Variants in TM7SF3 observed in about 807,000 individuals in gnomAD.
The protein encoded by TM7SF3 is transmembrane 7 superfamily member 3.
In TM7SF3, 60 loss-of-function variants were observed where a neutral mutation model predicts 65.5. That is an observed-to-expected ratio of 0.92 (90% CI 0.74 to 1.14). The LOEUF (loss-of-function observed/expected upper bound fraction) is 1.14. Among genes scored for constraint, TM7SF3 ranks in the 50% most tolerant of loss-of-function variants. TM7SF3 has a pLI of 0.00. For missense variants in TM7SF3, 623 were observed against 684.8 expected (o/e 0.91, Z 1.01); for synonymous variants, 264 against 259.6 (o/e 1.02, Z -0.16).
Position 27,014,141 on chromosome 12 carries a change from C to T in TM7SF3, c.28G>A (p.Ala10Thr). 1 of 1,566,898 alleles carries T rather than the reference C, an allele frequency of 6.4e-7. No homozygotes were observed. The highest frequency in any genetic ancestry group is 8.7e-7 in the Non-Finnish European group (1 of 1,155,708). MGFLQLLVVAVLASEHRVAG... is the reference protein window; with the variant it reads MGFLQLLVVTVLASEHRVAG... ...ACCCGGTGTTCGGATGCCAGCACCG[C>T]TACGACCAGCAGCTGCAGGAACCCC... Residue 10 changes from alanine to threonine, a missense_variant, in exon 1 of 12, where the codon GCG (alanine) becomes ACG (threonine). By Grantham distance (58) the Ala-to-Thr change is moderately conservative (BLOSUM62 0). Coordinates refer to ENST00000343028, the MANE Select transcript of TM7SF3 (RefSeq NM_016551.3).
chr12:26,978,179 A>C (rs1939655367), intron 9 of TM7SF3: 2 of 332,338 alleles, frequency 6.0e-6, no homozygotes, highest in Non-Finnish European at 1.2e-5. Flanking sequence ...GATAGTTCAT[A>C]AACAAACATA....
At chr12:26,982,956 T>A (rs1474882755) in intron 6 of TM7SF3, 97 bp from the exon 7 acceptor site, 1 of 816,636 alleles carries the variant, frequency 1.2e-6, no homozygotes, top group Non-Finnish European at 1.9e-6. Context: ...CTAAGTGAAC[T>A]GACATAATTT....
At chr12:26,985,621 CAAAAAAAAAAAAAAAAA>C (rs544145636) in intron 6 of TM7SF3, among the ~76,000 whole-genome samples, 134 of 61,028 alleles carry the variant, frequency 2.2e-3, no homozygotes, top group African/African-American at 6.0e-3. Flanking sequence ...GTGAGACTGT[CAAAAAAAAAAAAAAAAA>C]AAAAAAAAAA....
At chr12:26,989,054 C>G (rs189369081) in intron 6 of TM7SF3, among the ~76,000 whole-genome samples, 4 of 152,160 alleles carry the variant, frequency 2.6e-5, no homozygotes, top group Admixed American at 6.5e-5. Flanking sequence ...ATATAACATA[C>G]AAAATATGTG....
intron 6 of TM7SF3, chr12:26,983,584 A>G (rs1369187654): frequency 4.4e-6 from 2 of 455,482 alleles, no homozygotes; most frequent in East Asian, 1.4e-4. Context: ...GCAGAGAAGC[A>G]GGTACAGCAC....
rs1421868801 is a variant in TM7SF3 at position 26,971,689 on chromosome 12, TC to T, written c.*2275del. On this transcript the variant is annotated 3_prime_UTR_variant, in exon 12 of 12. Coordinates refer to ENST00000343028, the MANE Select transcript of TM7SF3 (RefSeq NM_016551.3). ...CCTCCCTCCAAAATAGTGTGTTCTGTCTTTACAGTCTTCACTGGCAGTGCAT... is the reference window on the plus strand; with the variant it reads ...CCTCCCTCCAAAATAGTGTGTTCTGTTTTACAGTCTTCACTGGCAGTGCAT... The T allele has an allele frequency of 3.3e-5, 5 of 152,214 alleles. No individual in the cohort carries two copies. The highest frequency in any genetic ancestry group is 1.2e-4 in the African/African-American group (5 of 41,442). The allele number at this position is 152,214 out of a possible 1,614,324, so 9.4% of individuals were successfully genotyped here. A position where few individuals can be genotyped will look rare whatever the true frequency, so the allele number is the denominator to read the frequency against.
chr12:27,004,558 G>A (rs575362877), intron 1 of TM7SF3, among the ~76,000 whole-genome samples: 3 of 151,722 alleles, frequency 2.0e-5, no homozygotes, highest in African/African-American at 7.3e-5. Context: ...GTCCCAAAAA[G>A]GTCAATTTTC....
chr12:27,012,163 G>A (rs572848006), intron 1 of TM7SF3, among the ~76,000 whole-genome samples: 63 of 152,308 alleles, frequency 4.1e-4, no homozygotes, highest in African/African-American at 1.4e-3. Context: ...TACGGAAGTG[G>A]AAGGACTATG....
At position 26,979,890 on chromosome 12, in the gene TM7SF3, G is replaced by A; in HGVS notation, c.1083C>T (p.Phe361=). 1.2e-6 allele frequency: 2 copies of A among 1,614,170 alleles called. No individual in the cohort carries two copies. Among genetic ancestry groups the A allele is most frequent in the Non-Finnish European group, 1.7e-6 (2 of 1,180,028 alleles). ...TAVTGSVGGM[F]LVAVWWRFGI... ...CAAATCGCCACCACACAGCTACCAA[G>A]AACATTCCACCGACGCTTCCAGTGA... Residue 361 remains phenylalanine, a synonymous_variant, in exon 9 of 12, where the codon TTC becomes TTT. Transcript: ENST00000343028.
In TM7SF3 at chr12:26,982,979, T is replaced by C. The variant is rs188536801; in HGVS notation, c.869-120A>G. ...ACTGACATAATTTATCCCATACATG[T>C]ATATTACAAATTTATCTTTAAAATA... On this transcript the variant is annotated intron_variant, in intron 6 of 11. Transcript: ENST00000343028. The C allele has an allele frequency of 6.0e-6, 4 of 666,442 alleles. No individual in the cohort carries two copies. In the East Asian group the frequency reaches 1.2e-4, roughly 19 times the overall value. 41.3% of individuals were successfully genotyped at this position (666,442 alleles called of 1,614,324 possible).
chr12:26,984,841 T>C (rs930692916), intron 6 of TM7SF3, among the ~76,000 whole-genome samples: 1 of 151,546 alleles, frequency 6.6e-6, no homozygotes, highest in Non-Finnish European at 1.5e-5. Context: ...ATGAAAGGAG[T>C]GAATAGACTA....
intron 5 of TM7SF3, 50 bp from the exon 6 acceptor site, chr12:26,990,677 T>C (rs1310041981): frequency 7.0e-7 from 1 of 1,432,072 alleles, no homozygotes; most frequent in African/African-American, 1.4e-5. Context: ...TTTTTTAAGC[T>C]ATTCTGTGAT....
Position 26,995,229 on chromosome 12 carries a change from A to G in TM7SF3, c.690+8T>C, listed in dbSNP as rs1310674639. 3.7e-6 allele frequency: 6 copies of G among 1,608,870 alleles called. No homozygotes were observed. The highest frequency in any genetic ancestry group is 5.1e-6 in the Non-Finnish European group (6 of 1,176,762). ...TCCAGCCACACAAATCATGGGACTC[A>G]GATTTACCTTGAGAGCACTGGCCTT... On this transcript the variant is annotated splice_region_variant and intron_variant, in intron 5 of 11. Transcript: ENST00000343028.
At chr12:27,007,754 C>T (rs534118103) in intron 1 of TM7SF3, among the ~76,000 whole-genome samples, 131 of 152,286 alleles carry the variant, frequency 8.6e-4, no homozygotes, top group Non-Finnish European at 1.6e-3. Context: ...ATCTTCTTTC[C>T]TCCCCAGAGG....
At chr12:26,979,414 G>C (rs1939711084) in intron 9 of TM7SF3, 1 of 200,214 alleles carries the variant, frequency 5.0e-6, no homozygotes, top group Admixed American at 5.4e-5. Context: ...CAGCGGATGG[G>C]AGTGGAGGTT....
chr12:26,998,831 C>T (rs1365848403), intron 3 of TM7SF3, among the ~76,000 whole-genome samples: 3 of 152,260 alleles, frequency 2.0e-5, no homozygotes, highest in South Asian at 2.1e-4. Flanking sequence ...GAACCTACCT[C>T]GAAATAAAGT....
chr12:26,985,803 T>A (rs1479222613), intron 6 of TM7SF3, among the ~76,000 whole-genome samples: 1 of 127,780 alleles, frequency 7.8e-6, no homozygotes, highest in Non-Finnish European at 1.6e-5. Context: ...AAATTTCTTT[T>A]TCGTTTTTTT....
chr12:26,996,850 C>G lies in TM7SF3; in HGVS notation c.410G>C (p.Gly137Ala). 3.1e-6 allele frequency: 5 copies of G among 1,611,222 alleles called. No homozygotes were observed. The highest frequency in any genetic ancestry group is 4.2e-6 in the Non-Finnish European group (5 of 1,179,086). ...LSYSERDPVPGGCNLEFDLDI... is the reference protein window; with the variant it reads ...LSYSERDPVPAGCNLEFDLDI... ...TAAATCGAACTCCAAATTACAGCCT[C>G]CAGGGACAGGATCTGGATAAGAAAT... is the stretch of plus-strand genomic sequence containing the variant. The change falls in exon 4 of 12, where the codon GGA (glycine) becomes GCA (alanine). Residue 137 changes from glycine to alanine, a missense_variant. Gly to Ala is a moderately conservative substitution (Grantham distance 60). Transcript: ENST00000343028.
intron 9 of TM7SF3, 119 bp from the exon 10 acceptor site, chr12:26,976,476 T>A: frequency 1.5e-6 from 1 of 657,244 alleles, no homozygotes; most frequent in Non-Finnish European, 2.7e-6. Context: ...AGGGAATATG[T>A]TGGCAACTAG....
Sources: gnomAD v4.1 joint callset for allele counts (sites outside exome capture counted in the v4.1 genomes callset) on GRCh38, gnomAD v4.1.1 for gene constraint, MANE v1.5 for transcripts, NCBI Gene and HGNC (gene_info 2026-07-23, HGNC 2026-07-21) for gene names.